Variants in TENM3 observed in about 807,000 individuals in gnomAD.
TENM3 encodes the protein teneurin transmembrane protein 3.
TENM3 carries 63 observed loss-of-function variants against 255.1 expected under a neutral mutation model. That is an observed-to-expected ratio of 0.25 (90% CI 0.20 to 0.30). TENM3 has a LOEUF of 0.30. Among genes scored for constraint, TENM3 ranks in the 10% least tolerant of loss-of-function variants. The pLI is 1.00. For synonymous variants in TENM3, 1,306 were observed against 1,322.3 expected (o/e 0.99, Z 0.27); for missense variants, 2,929 against 3,461.1 (o/e 0.85, Z 3.86).
the TENM3 span, among the ~76,000 whole-genome samples, chr4:182,022,924 C>T: frequency 6.6e-6 from 1 of 152,090 alleles, no homozygotes; most frequent in Non-Finnish European, 1.5e-5. Context: ...TGGATAGGGG[C>T]TGAGGAGGGA....
the TENM3 span, among the ~76,000 whole-genome samples, chr4:182,050,616 C>A: frequency 2.6e-5 from 4 of 152,104 alleles, no homozygotes; most frequent in African/African-American, 9.7e-5. Flanking sequence ...CCAGCCTGGA[C>A]AACGTGGCAA....
the TENM3 span, among the ~76,000 whole-genome samples, chr4:181,994,359 A>C: frequency 6.6e-6 from 1 of 152,152 alleles, no homozygotes; most frequent in Non-Finnish European, 1.5e-5. Flanking sequence ...AGGATGTCTT[A>C]AAATACGTCA....
chr4:181,756,531 G>A, the TENM3 span, among the ~76,000 whole-genome samples: 869 of 152,332 alleles, frequency 5.7e-3, 5 homozygotes, highest in Middle Eastern at 0.027. Flanking sequence ...GGCAACAGGA[G>A]TAATAGGAAT....
Position 182,692,567 on chromosome 4 carries a change from AG to A in TENM3, c.2221+4217del, listed in dbSNP as rs753847687. Among the ~76,000 whole-genome samples the A allele has an allele frequency of 6.3e-4, 96 of 152,224 alleles. 1 individual carries two copies. The highest frequency in any genetic ancestry group is 2.6e-4 in the Admixed American group (4 of 15,288). On this transcript the variant is annotated intron_variant, in intron 12 of 27. Transcript: ENST00000511685. ...AGGAAAAGAAGACTCAGCTCTCTGT[AG>A]ACAGGCAAGTTGTCTTCTGGAGGCT...
At chr4:181,962,811 A>G in the TENM3 span, among the ~76,000 whole-genome samples, 1 of 152,226 alleles carries the variant, frequency 6.6e-6, no homozygotes, top group Non-Finnish European at 1.5e-5. Context: ...AAATGCCAGT[A>G]CTCAAATACC....
intron 12 of TENM3, chr4:182,711,712 T>A (rs1458041381): frequency 1.0e-5 from 3 of 298,872 alleles, no homozygotes; most frequent in Non-Finnish European, 1.5e-5. Flanking sequence ...AAATTATAAA[T>A]CAGAGTTAAA....
the TENM3 span, among the ~76,000 whole-genome samples, chr4:181,479,006 A>G: frequency 2.0e-5 from 3 of 152,228 alleles, no homozygotes; most frequent in Non-Finnish European, 2.9e-5. Context: ...TGCACCTAGT[A>G]GAGAGAAATG....
intron 11 of TENM3, among the ~76,000 whole-genome samples, chr4:182,684,546 T>C (rs56287842): frequency 6.6e-6 from 1 of 151,876 alleles, no homozygotes; most frequent in Non-Finnish European, 1.5e-5. Context: ...ATGGAGATAA[T>C]TACAGGACTA....
the TENM3 span, among the ~76,000 whole-genome samples, chr4:181,558,943 CTTA>C: frequency 2.2e-4 from 33 of 152,258 alleles, 1 homozygote; most frequent in South Asian, 6.8e-3. Flanking sequence ...ATGAATCTCA[CTTA>C]TTATTTTACT....
chr4:182,362,363 T>A (rs1580296944), intron 3 of TENM3, among the ~76,000 whole-genome samples: 1 of 54,804 alleles, frequency 1.8e-5, no homozygotes, highest in Admixed American at 2.4e-4. Flanking sequence ...TGAGCTGTGG[T>A]GGGCTCTACC....
the TENM3 span, among the ~76,000 whole-genome samples, chr4:181,953,718 A>G: frequency 6.6e-6 from 1 of 152,144 alleles, no homozygotes; most frequent in South Asian, 2.1e-4. Context: ...AACATATGTG[A>G]AGAAGCTTTA....
At chr4:181,501,513 GATTAC>G in the TENM3 span, among the ~76,000 whole-genome samples, 3 of 151,956 alleles carry the variant, frequency 2.0e-5, no homozygotes, top group African/African-American at 7.3e-5. Context: ...CAAGTAGTGG[GATTAC>G]AGGCACCCGC....
chr4:181,901,331 A>G, the TENM3 span, among the ~76,000 whole-genome samples: 156 of 152,236 alleles, frequency 1.0e-3, no homozygotes, highest in African/African-American at 3.7e-3. Context: ...AAATTTTACA[A>G]TTCCTCTGCC....
chr4:182,031,127 C>T, the TENM3 span, among the ~76,000 whole-genome samples: 1 of 152,122 alleles, frequency 6.6e-6, no homozygotes, highest in African/African-American at 2.4e-5. Context: ...AAATCTTTGC[C>T]TATGCCTATG....
At chr4:182,160,298 G>A (rs1223503603) in intron 1 of TENM3, among the ~76,000 whole-genome samples, 4 of 152,104 alleles carry the variant, frequency 2.6e-5, no homozygotes, top group Admixed American at 1.3e-4. Context: ...CACCGCGCCC[G>A]CCTATTCCGG....
At chr4:181,465,352 G>A in the TENM3 span, among the ~76,000 whole-genome samples, 50 of 151,260 alleles carry the variant, frequency 3.3e-4, no homozygotes, top group African/African-American at 1.1e-3. Context: ...CTCTTGCATG[G>A]AATAGACTGA....
the TENM3 span, among the ~76,000 whole-genome samples, chr4:181,858,994 G>A: frequency 1.3e-5 from 2 of 152,156 alleles, no homozygotes; most frequent in Admixed American, 1.3e-4. Context: ...CAGGAGAGGA[G>A]GCAGGAAGCA....
chr4:181,797,863 GCGATAACCCTA>G, the TENM3 span, among the ~76,000 whole-genome samples: 29 of 152,254 alleles, frequency 1.9e-4, no homozygotes, highest in African/African-American at 6.3e-4. Flanking sequence ...AACCTATGAG[GCGATAACCCTA>G]CCTGTGTTTT....
the TENM3 span, among the ~76,000 whole-genome samples, chr4:182,075,792 A>G: frequency 6.6e-6 from 1 of 152,200 alleles, no homozygotes; most frequent in African/African-American, 2.4e-5. Flanking sequence ...GTCTCACTCT[A>G]CAAAGTTTCA....
Sources: allele counts gnomAD v4.1 joint callset (sites outside exome capture counted in the v4.1 genomes callset), GRCh38; gene constraint gnomAD v4.1.1; transcripts MANE v1.5; gene names NCBI Gene and HGNC (gene_info 2026-07-23, HGNC 2026-07-21).